The following SYCP1 variants were observed in gnomAD, a reference collection of about 807,000 sequenced individuals.
SYCP1 encodes the protein synaptonemal complex protein 1, also known as cancer/testis antigen 8.
Under a neutral mutation model 153.1 loss-of-function variants are expected in SYCP1, and 64 were observed. The ratio of observed to expected loss-of-function variants is 0.42; its 90% CI spans 0.34 to 0.51. SYCP1 has a LOEUF of 0.51. Ranked by LOEUF, SYCP1 falls within the 20% of genes least tolerant of loss-of-function variation. The pLI is 0.06. For missense variants in SYCP1, 997 were observed against 1,049.0 expected, an observed-to-expected ratio of 0.95 and a Z score of 0.68; for synonymous variants, 384 against 341.8, an observed-to-expected ratio of 1.12 and a Z score of -1.36.
chr1:114,984,809 A>T lies in SYCP1; in HGVS notation c.2644A>T (p.Arg882Ter). ...NIPIEESKKKRKMAFEFDINS... is the reference protein window; with the variant it reads ...NIPIEESKKK ...ACCCATTGAAGAAAGTAAAAAAAAG[A>T]GAAAAATGGCCTTTGAATTTGATAT... Residue 882 changes from arginine (R) to a stop codon, truncating the protein, a stop_gained, in exon 30 of 32, where the codon AGA becomes TGA. Transcript: ENST00000369522. LOFTEE classifies it high-confidence loss of function. The T allele has an allele frequency of 6.6e-7, 1 of 1,507,280 alleles. No individual in the cohort carries two copies. The highest frequency in any genetic ancestry group is 8.9e-7 in the Non-Finnish European group (1 of 1,126,116). The allele number at this position is 1,507,280 out of a possible 1,614,324, so 93.4% of individuals were successfully genotyped here.
chr1:114,986,026 G>A (rs1243590547), intron 30 of SYCP1, among the ~76,000 whole-genome samples: 1 of 151,800 alleles, frequency 6.6e-6, no homozygotes, highest in Admixed American at 6.6e-5. Flanking sequence ...GTAACCTAGA[G>A]ATGATTAAAG....
intron 5 of SYCP1, among the ~76,000 whole-genome samples, chr1:114,857,778 A>C (rs1030597543): frequency 1.3e-5 from 2 of 152,090 alleles, no homozygotes; most frequent in African/African-American, 4.8e-5. Context: ...ATCAGCCTTT[A>C]ATTAATAGAC....
Position 114,913,961 on chromosome 1 carries a change from C to G in SYCP1, c.1648-14C>G. 6.6e-7 allele frequency: 1 copy of G among 1,509,822 alleles called. No homozygotes were observed. Among genetic ancestry groups the G allele is most frequent in the Non-Finnish European group, 8.9e-7 (1 of 1,118,276 alleles). 93.5% of individuals were successfully genotyped at this position (1,509,822 alleles called of 1,614,324 possible). On this transcript the variant is annotated splice_polypyrimidine_tract_variant and intron_variant, in intron 19 of 31. Transcript: ENST00000369522. ...TAAACAAAATAATTGATATAAACAA[C>G]ATTATTTCTTTAGAATAACAAAAAG...
chr1:114,982,997 T>A (rs1673264318), intron 29 of SYCP1, among the ~76,000 whole-genome samples: 1 of 152,072 alleles, frequency 6.6e-6, no homozygotes, highest in South Asian at 2.1e-4. Context: ...TTAGCTAATG[T>A]TTGGACACAA....
At chr1:114,929,627 A>G (rs1669498997) in intron 23 of SYCP1, among the ~76,000 whole-genome samples, 1 of 152,068 alleles carries the variant, frequency 6.6e-6, no homozygotes, top group South Asian at 2.1e-4. Context: ...CAGTAGGGGC[A>G]TTTTATAATG....
At chr1:114,964,320 G>T (rs1307486669) in intron 27 of SYCP1, among the ~76,000 whole-genome samples, 1 of 152,114 alleles carries the variant, frequency 6.6e-6, no homozygotes, top group East Asian at 1.9e-4. Flanking sequence ...CCATTCTGTA[G>T]GTTGCCTGTT....
chr1:114,913,922 A>C, intron 19 of SYCP1, 53 bp from the exon 20 acceptor site: 3 of 1,339,036 alleles, frequency 2.2e-6, no homozygotes, highest in Non-Finnish European at 3.0e-6. Context: ...AGTAGTTTAA[A>C]TTTTATTTTT....
intron 16 of SYCP1, 43 bp from the exon 17 acceptor site, chr1:114,910,354 G>A (rs1668096963): frequency 3.7e-6 from 5 of 1,356,428 alleles, no homozygotes; most frequent in Non-Finnish European, 5.2e-6. Context: ...CTTTCACTAT[G>A]TGTATGGTTT....
chr1:114,925,963 A>G (rs746643359), intron 21 of SYCP1, among the ~76,000 whole-genome samples: 23 of 151,554 alleles, frequency 1.5e-4, no homozygotes, highest in Non-Finnish European at 2.8e-4. Flanking sequence ...ATACAAAGAT[A>G]ATTTTTTTTT....
At chr1:114,881,051 G>GTATA (rs150631241) in intron 12 of SYCP1, among the ~76,000 whole-genome samples, 3,888 of 38,802 alleles carry the variant, frequency 0.1, 63 homozygotes, top group African/African-American at 0.13. Context: ...TCCAATTTGT[G>GTATA]TATATACACA....
At chr1:114,889,698 T>G in intron 15 of SYCP1, among the ~76,000 whole-genome samples, 1 of 152,198 alleles carries the variant, frequency 6.6e-6, no homozygotes, top group Non-Finnish European at 1.5e-5. Flanking sequence ...CAGAAGCTCT[T>G]TCATTTAATT....
chr1:114,965,130 G>A (rs918380785), intron 27 of SYCP1, among the ~76,000 whole-genome samples: 2 of 152,162 alleles, frequency 1.3e-5, no homozygotes, highest in Non-Finnish European at 2.9e-5. Flanking sequence ...TAGCAATTGT[G>A]AATGGGAGTT....
intron 29 of SYCP1, among the ~76,000 whole-genome samples, chr1:114,981,988 C>T (rs1464872660): frequency 6.6e-6 from 1 of 152,040 alleles, no homozygotes; most frequent in Non-Finnish European, 1.5e-5. Context: ...TGGCAGTCAT[C>T]TTGGAGCAGA....
At chr1:114,974,012 T>C (rs904552898) in intron 27 of SYCP1, among the ~76,000 whole-genome samples, 15 of 151,848 alleles carry the variant, frequency 9.9e-5, no homozygotes, top group African/African-American at 3.4e-4. Context: ...TTTATTTTTG[T>C]ATTTTTGCCC....
intron 21 of SYCP1, among the ~76,000 whole-genome samples, chr1:114,924,916 A>C (rs1570782496): frequency 6.6e-6 from 1 of 152,138 alleles, no homozygotes; most frequent in Non-Finnish European, 1.5e-5. Flanking sequence ...AAACTATTGG[A>C]ATAGTTCAAG....
At chr1:114,861,523 T>G (rs1368972036) in intron 8 of SYCP1, among the ~76,000 whole-genome samples, 2 of 152,152 alleles carry the variant, frequency 1.3e-5, no homozygotes, top group East Asian at 3.9e-4. Flanking sequence ...ATTTGTATCA[T>G]ACAGCTTACT....
At chr1:114,878,419 C>G (rs994228539) in intron 12 of SYCP1, among the ~76,000 whole-genome samples, 9 of 152,056 alleles carry the variant, frequency 5.9e-5, no homozygotes, top group African/African-American at 2.2e-4. Context: ...TTACCTTTTT[C>G]AAATGTTTCA....
At chr1:114,880,321 ACCACTAT>A (rs1438044966) in intron 12 of SYCP1, among the ~76,000 whole-genome samples, 1 of 152,204 alleles carries the variant, frequency 6.6e-6, no homozygotes, top group Non-Finnish European at 1.5e-5. Context: ...GCTTCTGGCA[ACCACTAT>A]TTGATTTTCT....
At chr1:114,902,876 A>T (rs1228988104) in intron 16 of SYCP1, among the ~76,000 whole-genome samples, 1 of 152,166 alleles carries the variant, frequency 6.6e-6, no homozygotes, top group Non-Finnish European at 1.5e-5. Context: ...TACTCATTTA[A>T]CAAACATTTG....
Sources: allele counts gnomAD v4.1 joint callset (sites outside exome capture counted in the v4.1 genomes callset), GRCh38; gene constraint gnomAD v4.1.1; transcripts MANE v1.5; gene names NCBI Gene and HGNC (gene_info 2026-07-23, HGNC 2026-07-21).